VAV1: variants seen among roughly 807,000 people sequenced by gnomAD.
VAV1 encodes the protein proto-oncogene vav.
VAV1 carries 33 observed loss-of-function variants against 128.1 expected under a neutral mutation model. The observed-to-expected ratio is 0.26, with a 90% CI of 0.20 to 0.34. The LOEUF (loss-of-function observed/expected upper bound fraction) is 0.34, where lower values mean the gene tolerates loss of function less well. Among genes scored for constraint, VAV1 ranks in the 10% least tolerant of loss-of-function variants. VAV1 has a pLI of 1.00. For missense variants in VAV1, 715 were observed against 1,093.7 expected (o/e 0.65, Z 4.88); for synonymous variants, 394 against 409.8 (o/e 0.96, Z 0.47).
At chr19:6,840,267 C>A (rs1368705967) in intron 21 of VAV1, among the ~76,000 whole-genome samples, 1 of 151,492 alleles carries the variant, frequency 6.6e-6, no homozygotes, top group Non-Finnish European at 1.5e-5. Flanking sequence ...GTATTCAAGG[C>A]TCATCCATGT....
intron 1 of VAV1, chr19:6,784,180 G>T: frequency 1.7e-6 from 1 of 603,422 alleles, no homozygotes; most frequent in Non-Finnish European, 3.0e-6. Flanking sequence ...CTTGAGCCCA[G>T]GAGTTTGATG....
intron 1 of VAV1, among the ~76,000 whole-genome samples, chr19:6,813,854 G>T (rs1328737395): frequency 2.0e-5 from 3 of 152,010 alleles, no homozygotes; most frequent in Admixed American, 2.0e-4. Context: ...AGGAGTTGAA[G>T]ACCAGCCTGT....
chr19:6,823,637 T>G (rs1971849346), intron 6 of VAV1, among the ~76,000 whole-genome samples: 2 of 151,930 alleles, frequency 1.3e-5, no homozygotes. Flanking sequence ...TCTCTGTCTC[T>G]CTCTTTATCT....
intron 1 of VAV1, among the ~76,000 whole-genome samples, chr19:6,808,004 A>AG (rs1427008195): frequency 7.4e-5 from 11 of 148,848 alleles, no homozygotes; most frequent in African/African-American, 2.5e-4. Flanking sequence ...AAAAAAAAAA[A>AG]AAAAGAAAAG....
chr19:6,841,480 T>TC (rs1308463834), intron 21 of VAV1, among the ~76,000 whole-genome samples: 1 of 148,130 alleles, frequency 6.8e-6, no homozygotes, highest in Non-Finnish European at 1.5e-5. Context: ...TTTCTTTTCT[T>TC]TTTTTTTTTT....
At chr19:6,811,901 C>G (rs925881487) in intron 1 of VAV1, among the ~76,000 whole-genome samples, 2 of 152,200 alleles carry the variant, frequency 1.3e-5, no homozygotes, top group Non-Finnish European at 2.9e-5. Context: ...GGGCTTTTCC[C>G]CGCAGATAAT....
chr19:6,781,883 C>A (rs1452066468), intron 1 of VAV1, among the ~76,000 whole-genome samples: 2 of 152,082 alleles, frequency 1.3e-5, no homozygotes, highest in African/African-American at 4.8e-5. Flanking sequence ...GCTGGGATTA[C>A]AGGCATCTCT....
intron 21 of VAV1, among the ~76,000 whole-genome samples, chr19:6,840,243 T>C (rs370597762): frequency 3.7e-4 from 56 of 152,288 alleles, no homozygotes; most frequent in African/African-American, 1.3e-3. Flanking sequence ...CTAGCTTGTT[T>C]CACTTGGCAT....
intron 1 of VAV1, among the ~76,000 whole-genome samples, chr19:6,799,093 C>T (rs11878607): frequency 0.033 from 5,087 of 152,204 alleles, 121 homozygotes; most frequent in Non-Finnish European, 0.053. Context: ...TTGTATGTAT[C>T]AGTGTACCAT....
intron 1 of VAV1, among the ~76,000 whole-genome samples, chr19:6,787,490 C>T (rs1359443122): frequency 6.6e-6 from 1 of 152,144 alleles, no homozygotes; most frequent in Non-Finnish European, 1.5e-5. Flanking sequence ...CATCTCTTAA[C>T]TCTGCTTTCT....
At chr19:6,823,130 C>CTT (rs11292307) in intron 6 of VAV1, among the ~76,000 whole-genome samples, 15,190 of 143,118 alleles carry the variant, frequency 0.11, 1,098 homozygotes, top group Middle Eastern at 0.18. Flanking sequence ...ATCTATCTAT[C>CTT]TTTTTTTTTT....
chr19:6,792,872 G>A (rs1032988023), intron 1 of VAV1, among the ~76,000 whole-genome samples: 2 of 152,108 alleles, frequency 1.3e-5, no homozygotes, highest in Non-Finnish European at 2.9e-5. Flanking sequence ...GGCCAGAGAT[G>A]CTTCTGAGTG....
chr19:6,776,484 C>A (rs539184369), intron 1 of VAV1, among the ~76,000 whole-genome samples: 10 of 144,320 alleles, frequency 6.9e-5, no homozygotes, highest in South Asian at 4.9e-4. Flanking sequence ...ATCCATTCAT[C>A]CATTCATCCA....
intron 1 of VAV1, among the ~76,000 whole-genome samples, chr19:6,774,730 C>A (rs917960746): frequency 2.0e-5 from 3 of 151,646 alleles, no homozygotes; most frequent in Non-Finnish European, 2.9e-5. Context: ...CCACTGTGCC[C>A]GGCTGCTCCT....
intron 22 of VAV1, among the ~76,000 whole-genome samples, chr19:6,846,726 T>TATATTATATTC (rs1394956738): frequency 6.8e-6 from 1 of 147,716 alleles, no homozygotes; most frequent in Non-Finnish European, 1.5e-5. Flanking sequence ...CATGTATATT[T>TATATTATATTC]ATATTATATT....
chr19:6,844,048 T>C (rs1243925555), intron 22 of VAV1, among the ~76,000 whole-genome samples: 2 of 144,312 alleles, frequency 1.4e-5, no homozygotes, highest in Non-Finnish European at 3.0e-5. Context: ...ACTTTCTTCT[T>C]TTCTTCTTCT....
At chr19:6,808,737 T>A (rs1288112170) in intron 1 of VAV1, among the ~76,000 whole-genome samples, 1 of 152,238 alleles carries the variant, frequency 6.6e-6, no homozygotes, top group Non-Finnish European at 1.5e-5. Flanking sequence ...TAAAATGGAA[T>A]GGCTTAAAGA....
chr19:6,853,904 A>T (rs772674111), intron 25 of VAV1, 43 bp from the exon 26 acceptor site: 2 of 1,592,416 alleles, frequency 1.3e-6, no homozygotes, highest in Non-Finnish European at 1.7e-6. Flanking sequence ...GTGAGTGGGT[A>T]TCTGCCCCAG....
In VAV1 at chr19:6,785,524, G is replaced by C. The variant is rs182984432; in HGVS notation, c.204+12513G>C. ...TTTCTGTATTTTTAGTAGAGACGGA[G>C]TTTCACCATGTTGGCCAGGCTGGTC... is the stretch of plus-strand genomic sequence containing the variant. On this transcript the variant is annotated intron_variant, in intron 1 of 26. Transcript: ENST00000602142. 3.3e-5 allele frequency among the ~76,000 whole-genome samples: 5 copies of C among 152,034 alleles called. No homozygotes were observed. The East Asian group carries it at 9.6e-4, about 29-fold the overall frequency.
Sources: gnomAD v4.1 joint callset for allele counts (sites outside exome capture counted in the v4.1 genomes callset) on GRCh38, gnomAD v4.1.1 for gene constraint, MANE v1.5 for transcripts, NCBI Gene and HGNC (gene_info 2026-07-23, HGNC 2026-07-21) for gene names.